DENND1A: variants seen among roughly 807,000 people sequenced by gnomAD.
DENND1A encodes DENN domain-containing protein 1A.
DENND1A carries 51 observed loss-of-function variants against 113.7 expected under a neutral mutation model. That is an observed-to-expected ratio of 0.45 (90% CI 0.36 to 0.57). The LOEUF is 0.57. Ranked by LOEUF, DENND1A falls within the 20% of genes least tolerant of loss-of-function variation. DENND1A has a pLI of 0.00. For synonymous variants in DENND1A, 565 were observed against 570.8 expected (o/e 0.99, Z 0.14); for missense variants, 1,258 against 1,395.9 (o/e 0.90, Z 1.57).
chr9:123,775,860 G>A (rs1369251590), intron 3 of DENND1A, among the ~76,000 whole-genome samples: 1 of 152,136 alleles, frequency 6.6e-6, no homozygotes, highest in Non-Finnish European at 1.5e-5. Flanking sequence ...TCGATAATGG[G>A]CCCATGCTGA....
intron 2 of DENND1A, among the ~76,000 whole-genome samples, chr9:123,877,309 G>C (rs2133527703): frequency 6.6e-6 from 1 of 152,102 alleles, no homozygotes; most frequent in East Asian, 1.9e-4. Flanking sequence ...CCAACATAGT[G>C]AAACCCCGTC....
At chr9:123,591,633 G>A (rs1428580726) in intron 11 of DENND1A, among the ~76,000 whole-genome samples, 1 of 151,918 alleles carries the variant, frequency 6.6e-6, no homozygotes, top group Non-Finnish European at 1.5e-5. Context: ...GCAGAGCTGT[G>A]TCTTATTTGT....
intron 1 of DENND1A, among the ~76,000 whole-genome samples, chr9:123,885,904 C>G (rs1471110733): frequency 1.3e-5 from 2 of 152,176 alleles, no homozygotes; most frequent in Non-Finnish European, 2.9e-5. Flanking sequence ...CTCATCCTCC[C>G]AAGTAGCTGG....
chr9:123,747,520 G>A (rs1589916544), intron 5 of DENND1A, among the ~76,000 whole-genome samples: 1 of 152,058 alleles, frequency 6.6e-6, no homozygotes, highest in East Asian at 1.9e-4. Context: ...ATTGCCCTTG[G>A]TTTTGCATAA....
intron 13 of DENND1A, among the ~76,000 whole-genome samples, chr9:123,521,198 G>T (rs574941687): frequency 6.6e-6 from 1 of 152,148 alleles, no homozygotes; most frequent in South Asian, 2.1e-4. Context: ...CCAGTGCACC[G>T]GGTAAGTTTA....
chr9:123,608,990 G>A (rs2060290683), intron 11 of DENND1A, among the ~76,000 whole-genome samples: 1 of 152,284 alleles, frequency 6.6e-6, no homozygotes, highest in South Asian at 2.1e-4. Flanking sequence ...AGGGAGATTA[G>A]TAAAATGCTA....
intron 5 of DENND1A, among the ~76,000 whole-genome samples, chr9:123,694,895 G>A (rs1243492946): frequency 6.6e-6 from 1 of 152,224 alleles, no homozygotes; most frequent in Non-Finnish European, 1.5e-5. Flanking sequence ...GGGTGTGTCT[G>A]TGAGGGTATT....
chr9:123,488,773 C>A (rs2051106650), intron 13 of DENND1A, among the ~76,000 whole-genome samples: 1 of 152,206 alleles, frequency 6.6e-6, no homozygotes, highest in Admixed American at 6.5e-5. Flanking sequence ...GGGAGAGATG[C>A]TCCACAAACC....
In DENND1A at chr9:123,883,488, TC is replaced by T. The variant is rs542093702; in HGVS notation, c.18-4468del. 7.2e-5 allele frequency among the ~76,000 whole-genome samples: 11 copies of T among 152,302 alleles called. No individual in the cohort carries two copies. In the East Asian group the frequency reaches 2.1e-3, roughly 29 times the overall value. Reference sequence around the variant, plus strand: ...CTTAACTAAAAGATTTCAGTTCCCATCCCCAGAGTGTCTCAGGTAGGACCCA... The same window carrying T: ...CTTAACTAAAAGATTTCAGTTCCCATCCCAGAGTGTCTCAGGTAGGACCCA... On this transcript the variant is annotated intron_variant, in intron 1 of 23. Transcript: ENST00000394215.
chr9:123,883,872 A>C (rs1037233802), intron 1 of DENND1A, among the ~76,000 whole-genome samples: 1 of 140,810 alleles, frequency 7.1e-6, no homozygotes, highest in African/African-American at 3.2e-5. Flanking sequence ...CAGTCTCAAA[A>C]AAAAAAAAAA....
intron 12 of DENND1A, among the ~76,000 whole-genome samples, chr9:123,579,632 C>A (rs2058793004): frequency 6.6e-6 from 1 of 151,966 alleles, no homozygotes; most frequent in African/African-American, 2.4e-5. Flanking sequence ...GTGGATTTAC[C>A]AAATGTTTAA....
intron 1 of DENND1A, among the ~76,000 whole-genome samples, chr9:123,882,765 T>C (rs1848503287): frequency 6.6e-6 from 1 of 152,184 alleles, no homozygotes; most frequent in South Asian, 2.1e-4. Context: ...CAAGTCAAAG[T>C]TGTAGTCCTG....
intron 10 of DENND1A, among the ~76,000 whole-genome samples, chr9:123,616,966 G>A (rs1486699001): frequency 1.3e-5 from 2 of 152,202 alleles, no homozygotes; most frequent in African/African-American, 4.8e-5. Context: ...GTGTTGTCGG[G>A]TACACAACGG....
chr9:123,540,309 A>G (rs2056190820), intron 13 of DENND1A, among the ~76,000 whole-genome samples: 1 of 152,216 alleles, frequency 6.6e-6, no homozygotes. Flanking sequence ...AACTGAAGCT[A>G]AGGAGTTAAG....
chr9:123,592,308 C>T (rs2059494738), intron 11 of DENND1A, among the ~76,000 whole-genome samples: 1 of 152,212 alleles, frequency 6.6e-6, no homozygotes, highest in Non-Finnish European at 1.5e-5. Flanking sequence ...AAAAATTAAA[C>T]TACCACCAAG....
intron 13 of DENND1A, among the ~76,000 whole-genome samples, chr9:123,524,627 T>G (rs1230602860): frequency 1.3e-5 from 2 of 152,242 alleles, no homozygotes; most frequent in Non-Finnish European, 2.9e-5. Context: ...GCTGCCAGTT[T>G]GACCTCTGGT....
At chr9:123,730,860 T>C (rs1445791272) in intron 5 of DENND1A, among the ~76,000 whole-genome samples, 3 of 152,122 alleles carry the variant, frequency 2.0e-5, no homozygotes, top group Non-Finnish European at 4.4e-5. Flanking sequence ...CCAACCCAAA[T>C]GCCCATGAAT....
intron 2 of DENND1A, among the ~76,000 whole-genome samples, chr9:123,815,727 G>A (rs1054374986): frequency 7.2e-5 from 11 of 152,064 alleles, no homozygotes; most frequent in African/African-American, 1.2e-4. Flanking sequence ...GAAAATTCCC[G>A]AAGATACACA....
intron 2 of DENND1A, among the ~76,000 whole-genome samples, chr9:123,822,737 C>A (rs1838682852): frequency 6.6e-6 from 1 of 152,184 alleles, no homozygotes. Context: ...TTTCAGAAAA[C>A]TATACCTGTC....
Sources: gnomAD v4.1 joint callset for allele counts (sites outside exome capture counted in the v4.1 genomes callset) on GRCh38, gnomAD v4.1.1 for gene constraint, MANE v1.5 for transcripts, NCBI Gene and HGNC (gene_info 2026-07-23, HGNC 2026-07-21) for gene names.